Variants in ABCB1 observed in about 807,000 individuals in gnomAD.
The protein encoded by ABCB1 is ATP-dependent translocase ABCB1.
In ABCB1, 69 loss-of-function variants were observed where a neutral mutation model predicts 142.0. The observed-to-expected ratio is 0.49, with a 90% CI of 0.40 to 0.59. The LOEUF (loss-of-function observed/expected upper bound fraction) is 0.59. Among genes scored for constraint, ABCB1 ranks in the 20% least tolerant of loss-of-function variants. The probability of loss-of-function intolerance (pLI) is 0.00; values close to 1 mark genes in which losing one functional copy is unlikely to be tolerated. For synonymous variants in ABCB1, 532 were observed against 539.2 expected (o/e 0.99, Z 0.18); for missense variants, 1,326 against 1,554.7 (o/e 0.85, Z 2.47).
chr7:87,566,339 G>A, intron 6 of ABCB1, 98 bp from the exon 7 acceptor site: 1 of 1,219,688 alleles, frequency 8.2e-7, no homozygotes, highest in South Asian at 1.2e-5. Context: ...TATGGCTAGA[G>A]TATTTTGTGC....
At chr7:87,647,937 C>A (rs1446745459) in intron 1 of ABCB1, among the ~76,000 whole-genome samples, 1 of 152,038 alleles carries the variant, frequency 6.6e-6, no homozygotes, top group Non-Finnish European at 1.5e-5. Flanking sequence ...GTAATCCCAA[C>A]ACTTTGGGAG....
intron 1 of ABCB1, among the ~76,000 whole-genome samples, chr7:87,626,758 T>TGTGTC (rs1820671780): frequency 2.0e-5 from 1 of 49,220 alleles, no homozygotes; most frequent in East Asian, 8.1e-4. Flanking sequence ...ATGTCATATA[T>TGTGTC]ATGTCATATA....
chr7:87,519,743 C>T (rs148057245), intron 22 of ABCB1, among the ~76,000 whole-genome samples: 55 of 152,208 alleles, frequency 3.6e-4, no homozygotes, highest in Non-Finnish European at 7.4e-4. Context: ...TGTAAAGAGC[C>T]GGTTAGGGAT....
intron 11 of ABCB1, 52 bp from the exon 12 acceptor site, chr7:87,550,348 A>G (rs1223670584): frequency 1.2e-6 from 2 of 1,613,362 alleles, no homozygotes; most frequent in Non-Finnish European, 8.5e-7. Flanking sequence ...GACACAGGAT[A>G]TAGGAACTGA....
chr7:87,506,143 A>G (rs1814730147), intron 26 of ABCB1, 100 bp from the exon 27 acceptor site: 1 of 1,246,682 alleles, frequency 8.0e-7, no homozygotes, highest in Non-Finnish European at 1.1e-6. Context: ...TACTCCAAAA[A>G]TTTAGGTTCA....
chr7:87,516,357 T>G, intron 24 of ABCB1, 152 bp downstream of exon 24: 1 of 942,180 alleles, frequency 1.1e-6, no homozygotes, highest in Non-Finnish European at 1.7e-6. Flanking sequence ...TGTTGATGTA[T>G]ATTATTAGCA....
chr7:87,696,961 G>A (rs767870217), intron 1 of ABCB1, among the ~76,000 whole-genome samples: 5 of 152,072 alleles, frequency 3.3e-5, no homozygotes, highest in Non-Finnish European at 5.9e-5. Flanking sequence ...TTCTGTCTCT[G>A]TTTTCTCTCC....
At chr7:87,693,983 C>T (rs773393220) in intron 1 of ABCB1, 75 of 1,610,748 alleles carry the variant, frequency 4.7e-5, no homozygotes, top group Non-Finnish European at 5.4e-5. Context: ...TGATGTCTCC[C>T]GCCACTGAGC....
chr7:87,560,093 G>T (rs948517994), intron 8 of ABCB1, among the ~76,000 whole-genome samples: 1 of 151,940 alleles, frequency 6.6e-6, no homozygotes, highest in Non-Finnish European at 1.5e-5. Context: ...ATTATTTGTG[G>T]TTGTCTGTAA....
At chr7:87,626,251 A>ATATATATGTGTCATATATGTGTCC (rs1820502456) in intron 1 of ABCB1, among the ~76,000 whole-genome samples, 1 of 84,080 alleles carries the variant, frequency 1.2e-5, no homozygotes, top group Non-Finnish European at 2.2e-5. Flanking sequence ...TATATATGTC[A>ATATATATGTGTCATATATGTGTCC]TATATATGTG....
At chr7:87,551,368 A>T (rs918152623) in intron 9 of ABCB1, among the ~76,000 whole-genome samples, 2 of 152,234 alleles carry the variant, frequency 1.3e-5, no homozygotes, top group African/African-American at 4.8e-5. Context: ...GAGGAGATAG[A>T]TATGTTAATT....
At chr7:87,675,096 G>A (rs1206739872) in intron 1 of ABCB1, among the ~76,000 whole-genome samples, 3 of 152,190 alleles carry the variant, frequency 2.0e-5, no homozygotes, top group South Asian at 2.1e-4. Flanking sequence ...AGAGCGGGCC[G>A]CTCCTCACTT....
intron 1 of ABCB1, among the ~76,000 whole-genome samples, chr7:87,638,345 TTGTGTGTGTGTGTGTGTGTGTG>T (rs71524692): frequency 6.9e-6 from 1 of 144,696 alleles, no homozygotes. Context: ...AAGTATGTGT[TTGTGTGTGTGTGTGTGTGTGTG>T]TGTGTGTGTG....
intron 6 of ABCB1, among the ~76,000 whole-genome samples, chr7:87,566,502 C>G (rs1817786820): frequency 6.6e-6 from 1 of 152,202 alleles, no homozygotes; most frequent in Non-Finnish European, 1.5e-5. Context: ...GAAATTTCCT[C>G]AGAAAGTATC....
rs201249149 is a variant in ABCB1, at chr7:87,539,284, C to A, written c.2381G>T (p.Arg794Leu). 28 of 1,613,972 alleles carry A rather than the reference C, an allele frequency of 1.7e-5. No homozygotes were observed. The highest frequency in any genetic ancestry group is 1.5e-4 in the Admixed American group (9 of 60,000). The change falls in exon 19 of 28, where the codon CGA (arginine) becomes CTA (leucine). Residue 794 changes from arginine (R) to leucine (L), a missense_variant. By Grantham distance (102) the Arg-to-Leu change is moderately radical. Transcript: ENST00000622132. The part of the protein sequence containing the change: ...LTKRLRYMVF[R>L]SMLRQDVSWF... Reference sequence around the variant, plus strand: ...TAGACATACCTGTCTGAGCATGGATCGGAAAACCATGTATCGGAGCCGCTT... The same window carrying A: ...TAGACATACCTGTCTGAGCATGGATAGGAAAACCATGTATCGGAGCCGCTT...
chr7:87,519,984 G>A (rs578173162), intron 22 of ABCB1, among the ~76,000 whole-genome samples: 2 of 152,232 alleles, frequency 1.3e-5, no homozygotes, highest in South Asian at 4.2e-4. Flanking sequence ...TAGGAAGAAA[G>A]GAGAAGCACT....
chr7:87,540,109 T>C (rs1237240027), intron 18 of ABCB1, among the ~76,000 whole-genome samples: 1 of 152,232 alleles, frequency 6.6e-6, no homozygotes, highest in Non-Finnish European at 1.5e-5. Flanking sequence ...CCTCTTATAA[T>C]GTCCAGAAAA....
intron 1 of ABCB1, among the ~76,000 whole-genome samples, chr7:87,647,144 A>G (rs773998566): frequency 4.5e-4 from 69 of 152,336 alleles, no homozygotes; most frequent in Non-Finnish European, 8.2e-4. Context: ...CTCGTTTCAT[A>G]GGAGAGTTAT....
chr7:87,578,933 T>A (rs1315790762), intron 4 of ABCB1, among the ~76,000 whole-genome samples: 1 of 152,010 alleles, frequency 6.6e-6, no homozygotes, highest in Non-Finnish European at 1.5e-5. Context: ...GACCTCGTGA[T>A]CCACCTGCCT....
Sources: allele counts gnomAD v4.1 joint callset (sites outside exome capture counted in the v4.1 genomes callset), GRCh38; gene constraint gnomAD v4.1.1; transcripts MANE v1.5; gene names NCBI Gene and HGNC (gene_info 2026-07-23, HGNC 2026-07-21).